Variants in ATXN2 observed in about 807,000 individuals in gnomAD.
ATXN2 encodes the protein ataxin-2.
A neutral mutation model predicts 138.6 loss-of-function variants in ATXN2; 37 were observed. The observed-to-expected ratio is 0.27, with a 90% CI of 0.21 to 0.35. The LOEUF is 0.35. ATXN2 is among the 10% of genes least tolerant of loss of function. The probability of loss-of-function intolerance (pLI) is 1.00; values close to 1 mark genes in which losing one functional copy is unlikely to be tolerated. For missense variants in ATXN2, 1,216 were observed against 1,480.3 expected (o/e 0.82, Z 2.93); for synonymous variants, 549 against 543.7 (o/e 1.01, Z -0.13).
intron 18 of ATXN2, among the ~76,000 whole-genome samples, chr12:111,484,314 C>T (rs1877485463): frequency 6.7e-6 from 1 of 149,434 alleles, no homozygotes; most frequent in Admixed American, 6.6e-5. Context: ...GATAGGGTCT[C>T]ACTATATTGC....
intron 5 of ATXN2, among the ~76,000 whole-genome samples, chr12:111,546,960 A>C (rs1189201635): frequency 6.6e-6 from 1 of 152,264 alleles, no homozygotes; most frequent in Non-Finnish European, 1.5e-5. Flanking sequence ...AAACTGGAAC[A>C]TGTATAACAT....
upstream of ATXN2, chr12:111,599,394 CCCGCCCGCT>C: frequency 8.6e-7 from 1 of 1,164,770 alleles, no homozygotes; most frequent in African/African-American, 1.6e-5. Context: ...CCACCGCCGC[CCCGCCCGCT>C]CCGCCGCGCC....
At chr12:111,573,787 T>C (rs968057910) in intron 1 of ATXN2, among the ~76,000 whole-genome samples, 2 of 151,906 alleles carry the variant, frequency 1.3e-5, no homozygotes, top group South Asian at 2.1e-4. Flanking sequence ...ACACAATAAA[T>C]GGTATTTTAT....
chr12:111,457,969 AACTCCCTTCTG>A (rs1433594093), intron 21 of ATXN2: 1 of 152,214 alleles, frequency 6.6e-6, no homozygotes, highest in Non-Finnish European at 1.5e-5. Context: ...TAGAAAAGTA[AACTCCCTTCTG>A]AGTGCCCCAG....
chr12:111,516,508 T>C lies in ATXN2; in HGVS notation c.1166-145A>G, dbSNP rs757509494. The C allele has an allele frequency of 6.2e-6, 5 of 806,954 alleles. No homozygotes were observed. The highest frequency in any genetic ancestry group is 9.6e-6 in the Non-Finnish European group (5 of 522,420). The allele number at this position is 806,954 out of a possible 1,614,324, so 50.0% of individuals were successfully genotyped here. A position where few individuals can be genotyped will look rare whatever the true frequency, so the allele number is the denominator to read the frequency against. Reference sequence around the variant, plus strand: ...GGACAGTCATTTGATTTGTGATAAGTTTTAGCATAACTTAACTGACATAAA... The same window carrying C: ...GGACAGTCATTTGATTTGTGATAAGCTTTAGCATAACTTAACTGACATAAA... On this transcript the variant is annotated intron_variant, in intron 9 of 24. Transcript: ENST00000673436. This position sits in a 1 kb window ranked among gnomAD's most constrained non-coding sequence, Gnocchi z 5.0.
chr12:111,564,427 G>A (rs1344939984), intron 1 of ATXN2, among the ~76,000 whole-genome samples: 1 of 151,344 alleles, frequency 6.6e-6, no homozygotes, highest in Non-Finnish European at 1.5e-5. Context: ...TCTGGGCTAA[G>A]AATGATTTTT....
rs1354899957 is a variant in ATXN2 at position 111,453,357 on chromosome 12, G to A, written c.3439+320C>T. The A allele has an allele frequency of 9.0e-7, 1 of 1,112,218 alleles. No homozygotes were observed. The highest frequency in any genetic ancestry group is 1.6e-5 in the African/African-American group (1 of 61,268). 68.9% of individuals were successfully genotyped at this position (1,112,218 alleles called of 1,614,324 possible). ...ATGTCAGACTTTTGGGACTCAGGAA[G>A]GAAAACACTGCCCTGTCCAGCCTGT... On this transcript the variant is annotated intron_variant, in intron 24 of 24. Transcript: ENST00000673436. This position sits in a 1 kb window ranked among gnomAD's most constrained non-coding sequence, Gnocchi z 5.4.
At position 111,598,603 on chromosome 12, in the gene ATXN2, G is replaced by A. The variant is rs1885061467; in HGVS notation, c.251+181C>T. On this transcript the variant is annotated intron_variant, in intron 1 of 24. Coordinates refer to ENST00000673436, the MANE Select transcript of ATXN2 (RefSeq NM_001372574.1). The surrounding 1 kb of genome is among the most constrained non-coding windows in gnomAD (Gnocchi z 4.5). ...CTGGACAGGCCTGACAATCCCAGAG[G>A]ACCCCGGCTGCGCCCACCGGCCGAG... The A allele has an allele frequency of 4.1e-6, 4 of 973,074 alleles. No homozygotes were observed. Among genetic ancestry groups the A allele is most frequent in the Admixed American group, 6.2e-5 (1 of 16,260 alleles). 60.3% of individuals were successfully genotyped at this position (973,074 alleles called of 1,614,324 possible).
At chr12:111,506,057 T>C (rs1879086371) in intron 14 of ATXN2, among the ~76,000 whole-genome samples, 1 of 152,230 alleles carries the variant, frequency 6.6e-6, no homozygotes, top group Non-Finnish European at 1.5e-5. Flanking sequence ...GATGAACTTT[T>C]ATAACACTAC....
rs1566091206 is a variant in ATXN2 at position 111,598,994 on chromosome 12, TGCTGCTGCTGCTGC to T, written c.27_40del (p.Gln10AlafsTer75). On this transcript the variant is annotated frameshift_variant, in exon 1 of 25. Coordinates refer to ENST00000673436, the MANE Select transcript of ATXN2 (RefSeq NM_001372574.1). LOFTEE classifies it high-confidence loss of function. This position sits in a 1 kb window ranked among gnomAD's most constrained non-coding sequence, Gnocchi z 4.5. ...CTGCTGCTGTTGCTGCTGCTGCTGCTGCTGCTGCTGCTGCTGCTGCTGCTGGGGCTTCAGCGACA... is the reference window on the plus strand; with the variant it reads ...CTGCTGCTGTTGCTGCTGCTGCTGCTTGCTGCTGCTGGGGCTTCAGCGACA... 4.3e-5 allele frequency: 61 copies of T among 1,402,312 alleles called. 1 individual carries two copies. The highest frequency in any genetic ancestry group is 2.4e-4 in the Middle Eastern group (1 of 4,240). The allele number at this position is 1,402,312 out of a possible 1,614,324, so 86.9% of individuals were successfully genotyped here. A position where few individuals can be genotyped will look rare whatever the true frequency, so the allele number is the denominator to read the frequency against.
upstream of ATXN2, chr12:111,599,603 GA>G: frequency 9.2e-7 from 1 of 1,088,706 alleles, no homozygotes. Context: ...GACGGAAGCA[GA>G]ACGTGAGGTG....
intron 1 of ATXN2, among the ~76,000 whole-genome samples, chr12:111,591,152 G>A (rs2135849539): frequency 6.6e-6 from 1 of 152,142 alleles, no homozygotes; most frequent in South Asian, 2.1e-4. Context: ...GCCTCCCAAA[G>A]TGCTGGGATT....
chr12:111,542,733 A>C (rs1025120288), intron 5 of ATXN2, among the ~76,000 whole-genome samples: 3 of 152,186 alleles, frequency 2.0e-5, no homozygotes, highest in Non-Finnish European at 1.5e-5. Flanking sequence ...AAGTGTTGAA[A>C]TTACAGGCAT....
intron 1 of ATXN2, among the ~76,000 whole-genome samples, chr12:111,561,014 TA>T (rs1322428116): frequency 6.6e-6 from 1 of 150,962 alleles, no homozygotes; most frequent in Non-Finnish European, 1.5e-5. Flanking sequence ...ACCCCATCTC[TA>T]CTAAAAATAC....
At chr12:111,503,601 ACT>A (rs371348716) in intron 14 of ATXN2, among the ~76,000 whole-genome samples, 39 of 148,098 alleles carry the variant, frequency 2.6e-4, no homozygotes, top group African/African-American at 9.2e-4. Flanking sequence ...TTTTTTTTCC[ACT>A]CTCTTTTTTT....
intron 14 of ATXN2, among the ~76,000 whole-genome samples, chr12:111,497,844 G>A (rs913018205): frequency 4.0e-5 from 6 of 151,600 alleles, no homozygotes; most frequent in South Asian, 4.2e-4. Flanking sequence ...GTGAAACCCC[G>A]TCTCTACTAA....
chr12:111,555,541 AGAAG>A (rs980568051), intron 2 of ATXN2, among the ~76,000 whole-genome samples: 4 of 152,216 alleles, frequency 2.6e-5, no homozygotes, highest in African/African-American at 9.6e-5. Context: ...CGCTATGTGA[AGAAG>A]GATGTGTTTG....
intron 14 of ATXN2, among the ~76,000 whole-genome samples, chr12:111,507,587 G>C (rs1486906715): frequency 6.6e-6 from 1 of 151,172 alleles, no homozygotes. Context: ...GAGGTGGGGG[G>C]CACCTCTGCC....
chr12:111,482,156 A>G (rs1419202571), intron 18 of ATXN2, among the ~76,000 whole-genome samples: 2 of 146,178 alleles, frequency 1.4e-5, no homozygotes, highest in Non-Finnish European at 3.0e-5. Flanking sequence ...GTTCAAGACC[A>G]GCCCGGCCAA....
Sources: allele counts gnomAD v4.1 joint callset (sites outside exome capture counted in the v4.1 genomes callset), GRCh38; gene constraint gnomAD v4.1.1; non-coding constraint Gnocchi (gnomAD v3.1); transcripts MANE v1.5; gene names NCBI Gene and HGNC (gene_info 2026-07-23, HGNC 2026-07-21).